Variants in CCDC191 observed in about 807,000 individuals in gnomAD.
CCDC191 encodes coiled-coil domain-containing protein 191.
CCDC191 carries 99 observed loss-of-function variants against 114.0 expected under a neutral mutation model. That is an observed-to-expected ratio of 0.87 (90% CI 0.74 to 1.03). The LOEUF (loss-of-function observed/expected upper bound fraction) is 1.03. Ranked by LOEUF, CCDC191 falls within the 50% of genes least tolerant of loss-of-function variation. The pLI is 0.00. For synonymous variants in CCDC191, 351 were observed against 376.0 expected, an observed-to-expected ratio of 0.93 and a Z score of 0.77; for missense variants, 973 against 1,087.0, an observed-to-expected ratio of 0.90 and a Z score of 1.47.
intron 9 of CCDC191, among the ~76,000 whole-genome samples, chr3:114,006,619 A>ATATATATATAAAT (rs1559903359): frequency 7.6e-5 from 7 of 92,522 alleles, no homozygotes; most frequent in African/African-American, 2.9e-4. Flanking sequence ...TATATATATA[A>ATATATATATAAAT]ATATATATAT....
chr3:113,995,681 A>C (rs1442146475), intron 13 of CCDC191, among the ~76,000 whole-genome samples: 3 of 152,226 alleles, frequency 2.0e-5, no homozygotes, highest in Non-Finnish European at 4.4e-5. Context: ...TTCTGGTTCT[A>C]GATCCTTGAG....
chr3:114,021,936 T>C (rs573245124), intron 7 of CCDC191, among the ~76,000 whole-genome samples: 4 of 152,186 alleles, frequency 2.6e-5, no homozygotes, highest in African/African-American at 9.6e-5. Context: ...TTTTCAAATA[T>C]AGTCAGGCAC....
intron 13 of CCDC191, among the ~76,000 whole-genome samples, chr3:113,993,108 T>C (rs780963398): frequency 1.3e-5 from 2 of 152,022 alleles, no homozygotes; most frequent in Admixed American, 6.6e-5. Flanking sequence ...TCAACACCCT[T>C]GCATGATAAA....
At chr3:114,051,102 A>C (rs2076693178) in intron 2 of CCDC191, among the ~76,000 whole-genome samples, 1 of 152,122 alleles carries the variant, frequency 6.6e-6, no homozygotes, top group Non-Finnish European at 1.5e-5. Flanking sequence ...ACCTATTGAC[A>C]TCGTGACCCC....
intron 4 of CCDC191, among the ~76,000 whole-genome samples, chr3:114,041,192 C>G (rs1174803502): frequency 6.6e-6 from 1 of 152,000 alleles, no homozygotes; most frequent in African/African-American, 2.4e-5. Flanking sequence ...ATATGAAGTA[C>G]TGAAGTACCA....
At chr3:114,024,102 C>T (rs2076283578) in intron 7 of CCDC191, among the ~76,000 whole-genome samples, 1 of 152,178 alleles carries the variant, frequency 6.6e-6, no homozygotes, top group African/African-American at 2.4e-5. Flanking sequence ...TGAAAAAATG[C>T]TCATCATCAC....
chr3:114,029,221 G>A (rs1452975211), intron 7 of CCDC191, among the ~76,000 whole-genome samples: 1 of 152,130 alleles, frequency 6.6e-6, no homozygotes, highest in East Asian at 1.9e-4. Flanking sequence ...ATGGAAGCAT[G>A]TTGAAAGAAC....
At chr3:114,026,091 T>C (rs904206225) in intron 7 of CCDC191, among the ~76,000 whole-genome samples, 1 of 152,198 alleles carries the variant, frequency 6.6e-6, no homozygotes, top group Non-Finnish European at 1.5e-5. Context: ...AATCAAAATG[T>C]AATCAGTACT....
chr3:114,002,790 TTAAAA>T (rs1332451455), intron 11 of CCDC191: 3 of 927,028 alleles, frequency 3.2e-6, no homozygotes, highest in African/African-American at 1.8e-5. Flanking sequence ...TACATTTTTA[TTAAAA>T]TAATTGTTTA....
At chr3:114,009,720 GA>G (rs1459753288) in intron 9 of CCDC191, among the ~76,000 whole-genome samples, 1 of 152,170 alleles carries the variant, frequency 6.6e-6, no homozygotes, top group East Asian at 1.9e-4. Flanking sequence ...GATGAAAATA[GA>G]ACATGCATTC....
chr3:114,056,419 C>T lies in CCDC191; in HGVS notation c.48G>A (p.Gly16=), dbSNP rs753117530. 20 of 1,614,060 alleles carry T rather than the reference C, an allele frequency of 1.2e-5. No individual in the cohort carries two copies. Among genetic ancestry groups the T allele is most frequent in the Non-Finnish European group, 1.6e-5 (19 of 1,180,038 alleles). ...TTGTGAACCGTTTCCAGCGATTCAG[C>T]CCCATCCTTTTCTTTGAGAAGGACC... ...QGRSFSKKRM[G]LNRWKRFTRK... is the part of the protein sequence containing the mutation. Residue 16 remains glycine, a synonymous_variant, in exon 1 of 17, where the codon GGG becomes GGA. Transcript: ENST00000295878.
In CCDC191 at chr3:113,980,717, A is replaced by G; in HGVS notation, c.2240T>C (p.Val747Ala). ...EAIAKEHYER[V>A]LLRKKGLEPW... ...CTCTAGACCTTTTTTCCTTAGCAAG[A>G]CCCTTTCATAATGTTCTTTGGCTAT... Residue 747 changes from valine (V) to alanine (A), a missense_variant, in exon 14 of 17, where the codon GTC becomes GCC. Val to Ala is a moderately conservative substitution (Grantham distance 64, BLOSUM62 0). Transcript: ENST00000295878. The G allele has an allele frequency of 6.2e-7, 1 of 1,609,862 alleles. No individual in the cohort carries two copies. Among genetic ancestry groups the G allele is most frequent in the East Asian group, 2.2e-5 (1 of 44,664 alleles).
At chr3:114,041,292 T>C (rs1414299302) in intron 4 of CCDC191, among the ~76,000 whole-genome samples, 4 of 152,130 alleles carry the variant, frequency 2.6e-5, no homozygotes, top group Non-Finnish European at 4.4e-5. Context: ...TATAAAAAAA[T>C]TGTTGAGAGT....
chr3:114,004,477 T>C, intron 11 of CCDC191, 160 bp downstream of exon 11: 1 of 1,344,674 alleles, frequency 7.4e-7, no homozygotes, highest in Non-Finnish European at 9.6e-7. Flanking sequence ...GGCTCTCTGG[T>C]GTACTCCACT....
intron 4 of CCDC191, among the ~76,000 whole-genome samples, chr3:114,041,309 G>T (rs1325623973): frequency 1.3e-5 from 2 of 152,164 alleles, no homozygotes; most frequent in Non-Finnish European, 2.9e-5. Flanking sequence ...GAGTACTGGT[G>T]CTATTTAATC....
Position 113,998,899 on chromosome 3 carries a change from A to G in CCDC191, c.2163+2696T>C, listed in dbSNP as rs1286334543. On this transcript the variant is annotated intron_variant, in intron 13 of 16. Coordinates refer to ENST00000295878, the MANE Select transcript of CCDC191 (RefSeq NM_020817.2). ...TGCTTCTGACCAAAGAACTCACTTC[A>G]CAGCAAAGAAGTATAGCAATGGGCC... Among the ~76,000 whole-genome samples, 3 of 152,214 alleles carry G rather than the reference A, an allele frequency of 2.0e-5. No homozygotes were observed. In the East Asian group the frequency reaches 5.8e-4, roughly 29 times the overall value.
intron 13 of CCDC191, among the ~76,000 whole-genome samples, chr3:113,994,912 T>G (rs1337601499): frequency 6.6e-6 from 1 of 152,094 alleles, no homozygotes; most frequent in Non-Finnish European, 1.5e-5. Flanking sequence ...AAAACCTGTA[T>G]GTAAATGTTT....
chr3:114,025,155 A>G (rs1455243290), intron 7 of CCDC191, among the ~76,000 whole-genome samples: 1 of 151,460 alleles, frequency 6.6e-6, no homozygotes, highest in Admixed American at 6.6e-5. Context: ...GTGAAATGCT[A>G]CCCCGGCTAT....
chr3:113,995,538 G>A (rs544390115), intron 13 of CCDC191, among the ~76,000 whole-genome samples: 32 of 152,272 alleles, frequency 2.1e-4, no homozygotes, highest in South Asian at 8.3e-4. Context: ...TGTACTCAAG[G>A]AGCTGGGGAA....
Sources: gnomAD v4.1 joint callset for allele counts (sites outside exome capture counted in the v4.1 genomes callset) on GRCh38, gnomAD v4.1.1 for gene constraint, MANE v1.5 for transcripts, NCBI Gene and HGNC (gene_info 2026-07-23, HGNC 2026-07-21) for gene names.